The following KRT2 variants were observed in gnomAD, a reference collection of about 807,000 sequenced individuals.
The protein encoded by KRT2 is keratin 2, also known as keratin, type II cytoskeletal 2 epidermal.
Under a neutral mutation model 48.5 loss-of-function variants are expected in KRT2, and 37 were observed. The observed-to-expected ratio is 0.76, with a 90% CI of 0.59 to 1.00. The LOEUF (loss-of-function observed/expected upper bound fraction) is 1.00. Ranked by LOEUF, KRT2 falls within the 50% of genes least tolerant of loss-of-function variation. The pLI is 0.00. For missense variants in KRT2, 880 were observed against 815.2 expected, an observed-to-expected ratio of 1.08 and a Z score of -0.97; for synonymous variants, 324 against 312.2, an observed-to-expected ratio of 1.04 and a Z score of -0.40.
intron 4 of KRT2, 25 bp downstream of exon 4, chr12:52,648,982 G>T (rs1322190241): frequency 6.5e-6 from 9 of 1,385,268 alleles, no homozygotes; most frequent in Non-Finnish European, 9.3e-6. Flanking sequence ...GGAAGTAAGG[G>T]ACTGTCCCGG....
chr12:52,647,703 C>A, intron 6 of KRT2, 27 bp downstream of exon 6: 2 of 1,612,808 alleles, frequency 1.2e-6, no homozygotes, highest in Non-Finnish European at 1.7e-6. Flanking sequence ...AACCTCCCGC[C>A]CCTCGCTGGA....
In KRT2 at chr12:52,651,819, G is replaced by GAAGCTGCTGCCACCTCCA. The variant is rs1941254209; in HGVS notation, c.323_324insTGGAGGTGGCAGCAGCTT (p.Phe108_Ser109insGlyGlyGlySerSerPhe). 1 of 1,160,998 alleles carries GAAGCTGCTGCCACCTCCA rather than the reference G, an allele frequency of 8.6e-7. No individual in the cohort carries two copies. Among genetic ancestry groups the GAAGCTGCTGCCACCTCCA allele is most frequent in the South Asian group, 1.5e-5 (1 of 66,460 alleles). 71.9% of individuals were successfully genotyped at this position (1,160,998 alleles called of 1,614,324 possible). ...CGCCTCCACCGAAACCACCACCACTGAAGCCGCTGCCACCTCCAAAGCTGC... is the reference window on the plus strand; with the variant it reads ...CGCCTCCACCGAAACCACCACCACTGAAGCTGCTGCCACCTCCAAAGCCGCTGCCACCTCCAAAGCTGC... On this transcript the variant is annotated inframe_insertion, in exon 1 of 9. Coordinates refer to ENST00000309680, the MANE Select transcript of KRT2 (RefSeq NM_000423.3).
At chr12:52,645,939 G>A (rs1941156891) in intron 7 of KRT2, among the ~76,000 whole-genome samples, 1 of 152,238 alleles carries the variant, frequency 6.6e-6, no homozygotes, top group South Asian at 2.1e-4. Flanking sequence ...CAATGAGGCT[G>A]CCTGTGAACA....
Position 52,651,668 on chromosome 12 carries a change from G to A in KRT2, c.475C>T (p.Leu159Phe). The A allele has an allele frequency of 6.2e-7, 1 of 1,614,032 alleles. No individual in the cohort carries two copies. Among genetic ancestry groups the A allele is most frequent in the Non-Finnish European group, 8.5e-7 (1 of 1,179,992 alleles). The change falls in exon 1 of 9, where the codon CTC becomes TTC. Residue 159 changes from leucine (L) to phenylalanine (F), a missense_variant. By Grantham distance (22) the Leu-to-Phe change is conservative. Coordinates refer to ENST00000309680, the MANE Select transcript of KRT2 (RefSeq NM_000423.3). The stretch of plus-strand genomic sequence containing the variant: ...ACTTTCACGTTGAGAGGCTGCAGGA[G>A]GCTCTGGTTGACAGAGACTTCGTGG... ...GIHEVSVNQS[L>F]LQPLNVKVDP...
Position 52,651,551 on chromosome 12 carries a change from G to C in KRT2, c.585+7C>G, listed in dbSNP as rs200259702. 1.3e-4 allele frequency: 207 copies of C among 1,603,208 alleles called. No individual in the cohort carries two copies. The African/African-American group carries it at 2.5e-3, about 19-fold the overall frequency. The stretch of plus-strand genomic sequence containing the variant: ...GCATCAGTGGGAGCCGTCTTCTCCA[G>C]AGTCACCTTGTCAATGAAGGAGGCA... On this transcript the variant is annotated splice_region_variant and intron_variant, in intron 1 of 8. Coordinates refer to ENST00000309680, the MANE Select transcript of KRT2 (RefSeq NM_000423.3).
chr12:52,647,994 G>A (rs1407993818), intron 5 of KRT2, 139 bp from the exon 6 acceptor site: 3 of 1,267,908 alleles, frequency 2.4e-6, no homozygotes, highest in African/African-American at 2.9e-5. Context: ...TTCATGAGAG[G>A]TAGGGACTGT....
At chr12:52,647,635 C>G in intron 6 of KRT2, 95 bp downstream of exon 6, 4,501 of 1,272,172 alleles carry the variant, frequency 3.5e-3, no homozygotes, top group Non-Finnish European at 4.6e-3. Context: ...ATCTCAGTGT[C>G]TCTCATCTCT....
chr12:52,644,647 A>G lies in KRT2; in HGVS notation c.*372T>C. On this transcript the variant is annotated 3_prime_UTR_variant, in exon 9 of 9. Coordinates refer to ENST00000309680, the MANE Select transcript of KRT2 (RefSeq NM_000423.3). ...CAAGAGGAGCTATATACACAGAAAC[A>G]CATTTCCCCCCAGCACTGCCAGGCT... 3.1e-6 allele frequency: 1 copy of G among 325,176 alleles called. No homozygotes were observed. Among genetic ancestry groups the G allele is most frequent in the Non-Finnish European group, 5.8e-6 (1 of 173,032 alleles). The allele number at this position is 325,176 out of a possible 1,614,324, so 20.1% of individuals were successfully genotyped here.
At position 52,652,192 on chromosome 12, in the gene KRT2, G is replaced by C; in HGVS notation, c.-50C>G. On this transcript the variant is annotated 5_prime_UTR_variant, in exon 1 of 9. Coordinates refer to ENST00000309680, the MANE Select transcript of KRT2 (RefSeq NM_000423.3). ...TCACAGGCTCTTGAGAAGAGTCAAG[G>C]CTGGAGACTCAACTGTGCTGCTGGG... 7.3e-7 allele frequency: 1 copy of C among 1,367,662 alleles called. No individual in the cohort carries two copies. Among genetic ancestry groups the C allele is most frequent in the South Asian group, 1.2e-5 (1 of 80,694 alleles). 84.7% of individuals were successfully genotyped at this position (1,367,662 alleles called of 1,614,324 possible). A position where few individuals can be genotyped will look rare whatever the true frequency, so the allele number is the denominator to read the frequency against.
At position 52,644,801 on chromosome 12, in the gene KRT2, T is replaced by TCCGCCCCAGA; in HGVS notation, c.*208_*217dup. 1 of 606,310 alleles carries TCCGCCCCAGA rather than the reference T, an allele frequency of 1.6e-6. No homozygotes were observed. The highest frequency in any genetic ancestry group is 2.9e-6 in the Non-Finnish European group (1 of 346,000). The allele number at this position is 606,310 out of a possible 1,614,324, so 37.6% of individuals were successfully genotyped here. A position where few individuals can be genotyped will look rare whatever the true frequency, so the allele number is the denominator to read the frequency against. On this transcript the variant is annotated 3_prime_UTR_variant, in exon 9 of 9. Transcript: ENST00000309680. ...AAGCACAAACCTAGACAGCACAGATTCCGCCCCAGAACACAGAGGCGTCAC... is the reference window on the plus strand; with the variant it reads ...AAGCACAAACCTAGACAGCACAGATTCCGCCCCAGACCGCCCCAGAACACAGAGGCGTCAC...
chr12:52,645,861 C>A (rs531004610), intron 7 of KRT2, among the ~76,000 whole-genome samples: 1 of 152,146 alleles, frequency 6.6e-6, no homozygotes, highest in East Asian at 1.9e-4. Flanking sequence ...ACTTTGCAAC[C>A]CATTTGTGTA....
chr12:52,646,421 G>A (rs1941162216), intron 7 of KRT2, among the ~76,000 whole-genome samples: 1 of 152,222 alleles, frequency 6.6e-6, no homozygotes, highest in Non-Finnish European at 1.5e-5. Context: ...TGGACCTAGA[G>A]ACCAAAGTTT....
At chr12:52,648,083 AC>A in intron 5 of KRT2, 89 bp downstream of exon 5, 1 of 1,468,212 alleles carries the variant, frequency 6.8e-7, no homozygotes, top group Non-Finnish European at 9.5e-7. Context: ...TAAACAAAAA[AC>A]CAATAACCTT....
intron 3 of KRT2, 147 bp from the exon 4 acceptor site, chr12:52,649,249 T>C: frequency 1.5e-6 from 1 of 684,382 alleles, no homozygotes; most frequent in Non-Finnish European, 2.7e-6. Context: ...GGACTTCTTT[T>C]GTCGTGCAGT....
In KRT2 at chr12:52,652,138, C is replaced by G. The variant is rs1196644892; in HGVS notation, c.5G>C (p.Ser2Thr). Residue 2 changes from serine to threonine, a missense_variant, in exon 1 of 9, where the codon AGT becomes ACT. Ser to Thr is a moderately conservative substitution (Grantham distance 58). Coordinates refer to ENST00000309680, the MANE Select transcript of KRT2 (RefSeq NM_000423.3). ...TCGAGATTTGCAAGAGATCTGACAA[C>G]TCATGATGCCTTTGTCCAGGGAGGA... M[S>T]CQISCKSRGR... 1 of 1,540,986 alleles carries G rather than the reference C, an allele frequency of 6.5e-7. No individual in the cohort carries two copies. The highest frequency in any genetic ancestry group is 8.7e-7 in the Non-Finnish European group (1 of 1,147,736).
intron 3 of KRT2, 104 bp downstream of exon 3, chr12:52,649,810 G>A (rs1941221205): frequency 3.4e-6 from 3 of 872,780 alleles, no homozygotes; most frequent in Non-Finnish European, 5.9e-6. Context: ...TTCTCTGGCT[G>A]CTGCTTTTGC....
rs375452938 is a variant in KRT2 at position 52,647,775 on chromosome 12, G to A, written c.1203C>T (p.Arg401=). ...EIKIEISELN[R]VIQRLQGEIA... ...TCTCCCCCTGCAGCCTCTGGATCAC[G>A]CGGTTCAGCTCGCTGATCTCTATCT... The change falls in exon 6 of 9, where the codon CGC becomes CGT. Residue 401 remains arginine (R), a synonymous_variant. Transcript: ENST00000309680. The A allele has an allele frequency of 6.9e-5, 111 of 1,614,012 alleles. No homozygotes were observed. In the East Asian group the frequency reaches 1.4e-3, roughly 20 times the overall value.
Position 52,646,787 on chromosome 12 carries a change from A to G in KRT2, c.1422T>C (p.Asp474=). 6.2e-7 allele frequency: 1 copy of G among 1,613,814 alleles called. No homozygotes were observed. Among genetic ancestry groups the G allele is most frequent in the Non-Finnish European group, 8.5e-7 (1 of 1,179,946 alleles). Reference sequence around the variant, plus strand: ...GTTTGCGGTAGGTGGCGATCTCCACATCTAGGGCCAGCTTCACGTTCATCA... The same window carrying G: ...GTTTGCGGTAGGTGGCGATCTCCACGTCTAGGGCCAGCTTCACGTTCATCA... ...QELMNVKLAL[D]VEIATYRKLL... is the part of the protein sequence containing the mutation. The change falls in exon 7 of 9, where the codon GAT becomes GAC. Residue 474 remains aspartate, a synonymous_variant. Coordinates refer to ENST00000309680, the MANE Select transcript of KRT2 (RefSeq NM_000423.3).
rs1189980977 is a variant in KRT2 at position 52,644,756 on chromosome 12, G to A, written c.*263C>T. 1.7e-5 allele frequency: 9 copies of A among 537,360 alleles called. No homozygotes were observed. The highest frequency in any genetic ancestry group is 6.7e-5 in the East Asian group (2 of 29,748). 33.3% of individuals were successfully genotyped at this position (537,360 alleles called of 1,614,324 possible). A position where few individuals can be genotyped will look rare whatever the true frequency, so the allele number is the denominator to read the frequency against. On this transcript the variant is annotated 3_prime_UTR_variant, in exon 9 of 9. Coordinates refer to ENST00000309680, the MANE Select transcript of KRT2 (RefSeq NM_000423.3). ...GGCAATGCAAAGAGGCATGGTGGGG[G>A]CGGGAATGGGCATGGCTAGAAGCAC...
Sources: allele counts gnomAD v4.1 joint callset (sites outside exome capture counted in the v4.1 genomes callset), GRCh38; gene constraint gnomAD v4.1.1; transcripts MANE v1.5; gene names NCBI Gene and HGNC (gene_info 2026-07-23, HGNC 2026-07-21).